The following SGCZ variants were observed in gnomAD, a reference collection of about 807,000 sequenced individuals.
The protein encoded by SGCZ is sarcoglycan zeta.
A neutral mutation model predicts 41.3 loss-of-function variants in SGCZ; 40 were observed. That is an observed-to-expected ratio of 0.97 (90% CI 0.75 to 1.26). SGCZ has a LOEUF of 1.26. Ranked by LOEUF, SGCZ falls within the 50% of genes most tolerant of loss-of-function variation. The probability of loss-of-function intolerance (pLI) is 0.00; values close to 1 mark genes in which losing one functional copy is unlikely to be tolerated. For missense variants in SGCZ, 552 were observed against 369.8 expected, an observed-to-expected ratio of 1.49 and a Z score of -4.04; for synonymous variants, 206 against 137.5, an observed-to-expected ratio of 1.50 and a Z score of -3.49.
intron 1 of SGCZ, among the ~76,000 whole-genome samples, chr8:14,674,437 A>G (rs1241486211): frequency 6.6e-6 from 1 of 152,218 alleles, no homozygotes; most frequent in Non-Finnish European, 1.5e-5. Context: ...AAGTAGCTAA[A>G]TGGAGCATAT....
chr8:14,614,348 C>T (rs79744259), intron 1 of SGCZ, among the ~76,000 whole-genome samples: 1,877 of 152,044 alleles, frequency 0.012, 17 homozygotes, highest in Non-Finnish European at 0.019. Context: ...CCATATCAAC[C>T]GCCTATAAAT....
chr8:15,092,664 AT>A (rs1198024703), intron 1 of SGCZ, among the ~76,000 whole-genome samples: 5 of 152,226 alleles, frequency 3.3e-5, no homozygotes, highest in African/African-American at 1.2e-4. Context: ...GATCTTCTTA[AT>A]ATGACTTTTA....
rs139109991 is a variant in SGCZ, at chr8:14,088,201, A to G, written c.*2242T>C. ...ATTAGAACATGTTGGAACAGAAAGGAACCCCAAGAGACTATTTTATTCAAT... is the reference window on the plus strand; with the variant it reads ...ATTAGAACATGTTGGAACAGAAAGGGACCCCAAGAGACTATTTTATTCAAT... On this transcript the variant is annotated 3_prime_UTR_variant, in exon 8 of 8. Coordinates refer to ENST00000382080, the MANE Select transcript of SGCZ (RefSeq NM_139167.4). 1.8e-4 allele frequency among the ~76,000 whole-genome samples: 28 copies of G among 151,886 alleles called. No homozygotes were observed. The East Asian group carries it at 3.9e-3, about 21-fold the overall frequency.
At chr8:14,136,332 C>T (rs559796222) in intron 5 of SGCZ, among the ~76,000 whole-genome samples, 10 of 152,194 alleles carry the variant, frequency 6.6e-5, no homozygotes, top group African/African-American at 2.2e-4. Flanking sequence ...AAGTGTGAGC[C>T]GAAGCAGGGT....
chr8:14,092,910 A>T (rs1442935536), intron 7 of SGCZ, among the ~76,000 whole-genome samples: 1 of 127,858 alleles, frequency 7.8e-6, no homozygotes, highest in Non-Finnish European at 2.0e-5. Context: ...TGAAGTCTCC[A>T]TGAAACATAT....
chr8:14,873,638 A>G lies in SGCZ; in HGVS notation c.40-318712T>C, dbSNP rs535602886. 6.6e-5 allele frequency among the ~76,000 whole-genome samples: 10 copies of G among 152,214 alleles called. No individual in the cohort carries two copies. In the South Asian group the frequency reaches 1.0e-3, roughly 16 times the overall value. ...CAGTAGAACAGAGTATCTACAATCA[A>G]CCAAGGCTTGAGTTCAGTCTCCAGC... On this transcript the variant is annotated intron_variant, in intron 1 of 7. Coordinates refer to ENST00000382080, the MANE Select transcript of SGCZ (RefSeq NM_139167.4).
At chr8:15,085,541 A>G (rs544944692) in intron 1 of SGCZ, among the ~76,000 whole-genome samples, 5 of 152,312 alleles carry the variant, frequency 3.3e-5, no homozygotes, top group African/African-American at 1.2e-4. Flanking sequence ...ATGACATGTC[A>G]ATATCAGCTC....
chr8:14,426,915 C>A (rs1369102817), intron 2 of SGCZ, among the ~76,000 whole-genome samples: 3 of 151,934 alleles, frequency 2.0e-5, no homozygotes, highest in Admixed American at 2.0e-4. Flanking sequence ...GAACTCATTT[C>A]AAAATTGTTA....
intron 1 of SGCZ, among the ~76,000 whole-genome samples, chr8:15,051,802 C>G (rs1804524177): frequency 6.6e-6 from 1 of 152,048 alleles, no homozygotes; most frequent in South Asian, 2.1e-4. Flanking sequence ...GGGTTTGAAA[C>G]CAGTGTTTTA....
At chr8:14,451,347 T>C (rs1800587809) in intron 2 of SGCZ, among the ~76,000 whole-genome samples, 1 of 152,222 alleles carries the variant, frequency 6.6e-6, no homozygotes, top group South Asian at 2.1e-4. Context: ...GTCATCAATC[T>C]ATTGTTAGCA....
At chr8:14,865,534 ATC>A (rs1384199864) in intron 1 of SGCZ, among the ~76,000 whole-genome samples, 1 of 152,112 alleles carries the variant, frequency 6.6e-6, no homozygotes, top group African/African-American at 2.4e-5. Context: ...AGCGTGGGGT[ATC>A]TGTTTGTTCT....
At chr8:14,283,273 G>T (rs575466660) in intron 3 of SGCZ, among the ~76,000 whole-genome samples, 95 of 152,206 alleles carry the variant, frequency 6.2e-4, no homozygotes, top group African/African-American at 2.2e-3. Flanking sequence ...TGCTGGAAAC[G>T]ATTCCCATTC....
At chr8:14,245,224 G>C (rs188965103) in intron 3 of SGCZ, among the ~76,000 whole-genome samples, 46 of 152,226 alleles carry the variant, frequency 3.0e-4, no homozygotes, top group Non-Finnish European at 5.4e-4. Flanking sequence ...GATATTGACT[G>C]TGGGTTTGGT....
chr8:14,522,612 AT>A (rs1802823956), intron 2 of SGCZ, among the ~76,000 whole-genome samples: 1 of 151,262 alleles, frequency 6.6e-6, no homozygotes, highest in Non-Finnish European at 1.5e-5. Flanking sequence ...TCGCTCTCTC[AT>A]TTTTTTGGAC....
intron 1 of SGCZ, among the ~76,000 whole-genome samples, chr8:14,598,624 G>C (rs1038674384): frequency 2.6e-5 from 4 of 151,758 alleles, no homozygotes; most frequent in African/African-American, 9.7e-5. Flanking sequence ...ACCCCCCCGG[G>C]CTCAAGTGAT....
At chr8:14,518,275 T>A (rs1051101280) in intron 2 of SGCZ, among the ~76,000 whole-genome samples, 4 of 152,042 alleles carry the variant, frequency 2.6e-5, no homozygotes, top group African/African-American at 9.7e-5. Flanking sequence ...AATATGCTAA[T>A]CAACAAAGAA....
intron 1 of SGCZ, among the ~76,000 whole-genome samples, chr8:15,148,404 T>G (rs1416984133): frequency 6.6e-6 from 1 of 152,174 alleles, no homozygotes; most frequent in African/African-American, 2.4e-5. Flanking sequence ...ATTTGCTGCC[T>G]TGACATAAAA....
chr8:14,905,893 G>A (rs912846122), intron 1 of SGCZ, among the ~76,000 whole-genome samples: 2 of 151,638 alleles, frequency 1.3e-5, no homozygotes, highest in African/African-American at 4.8e-5. Context: ...ATACACCTAT[G>A]TATACAAATA....
chr8:15,015,207 C>A (rs980616511), intron 1 of SGCZ, among the ~76,000 whole-genome samples: 8 of 151,840 alleles, frequency 5.3e-5, no homozygotes, highest in African/African-American at 1.9e-4. Flanking sequence ...CACGCCACTG[C>A]ACTCCAGCCT....
Sources: allele counts gnomAD v4.1 joint callset (sites outside exome capture counted in the v4.1 genomes callset), GRCh38; gene constraint gnomAD v4.1.1; transcripts MANE v1.5; gene names NCBI Gene and HGNC (gene_info 2026-07-23, HGNC 2026-07-21).